The following DCLK1 variants were observed in gnomAD, a reference collection of about 807,000 sequenced individuals.
DCLK1 encodes the protein doublecortin like kinase 1.
DCLK1 carries 16 observed loss-of-function variants against 86.2 expected under a neutral mutation model. That is an observed-to-expected ratio of 0.19 (90% CI 0.13 to 0.28). DCLK1 has a LOEUF of 0.28. DCLK1 is among the 10% of genes least tolerant of loss of function. The pLI is 1.00. For synonymous variants in DCLK1, 369 were observed against 370.5 expected (o/e 1.00, Z 0.05); for missense variants, 590 against 940.2 (o/e 0.63, Z 4.87).
chr13:35,923,438 G>A (rs1000956674), intron 4 of DCLK1, among the ~76,000 whole-genome samples: 6 of 151,864 alleles, frequency 4.0e-5, no homozygotes, highest in African/African-American at 1.5e-4. Context: ...TGGGAACACG[G>A]CCAGGGCTTG....
At chr13:35,838,071 A>C (rs1305217838) in intron 7 of DCLK1, among the ~76,000 whole-genome samples, 1 of 151,522 alleles carries the variant, frequency 6.6e-6, no homozygotes, top group African/African-American at 2.4e-5. Context: ...ATCTCAAAAA[A>C]AAAAAGAAAA....
At chr13:35,833,945 C>T (rs894650358) in intron 8 of DCLK1, among the ~76,000 whole-genome samples, 1 of 152,148 alleles carries the variant, frequency 6.6e-6, no homozygotes, top group Non-Finnish European at 1.5e-5. Flanking sequence ...AAAACAAACA[C>T]AATCCAAGTT....
At chr13:35,976,381 G>A (rs1488541876) in intron 3 of DCLK1, among the ~76,000 whole-genome samples, 3 of 151,968 alleles carry the variant, frequency 2.0e-5, no homozygotes, top group Non-Finnish European at 4.4e-5. Flanking sequence ...AGTGCTCACC[G>A]TCTCCTCCCT....
At chr13:36,018,878 G>A (rs1881641751) in intron 3 of DCLK1, among the ~76,000 whole-genome samples, 1 of 152,094 alleles carries the variant, frequency 6.6e-6, no homozygotes, top group Non-Finnish European at 1.5e-5. Flanking sequence ...TTGGAATATT[G>A]TTGATAGCAC....
intron 16 of DCLK1, among the ~76,000 whole-genome samples, chr13:35,782,934 G>A (rs1264184951): frequency 6.6e-6 from 1 of 152,212 alleles, no homozygotes; most frequent in Non-Finnish European, 1.5e-5. Context: ...GCTGCTGTAG[G>A]GCAAAGGCAG....
rs916878383 is a variant in DCLK1 at position 35,958,138 on chromosome 13, C to T, written c.724-10681G>A. 2.1e-4 allele frequency among the ~76,000 whole-genome samples: 29 copies of T among 138,982 alleles called. 1 individual carries two copies. The highest frequency in any genetic ancestry group is 4.2e-4 in the Admixed American group (6 of 14,424). 91.2% of individuals were successfully genotyped at this position (138,982 alleles called of 152,430 possible). A position where few individuals can be genotyped will look rare whatever the true frequency, so the allele number is the denominator to read the frequency against. ...ACCACCACCACTACCACTACTATAA[C>T]CACCACCACCACCACTATAACCATC... On this transcript the variant is annotated intron_variant, in intron 3 of 16. Transcript: ENST00000360631.
chr13:35,891,658 A>C (rs542280971), intron 4 of DCLK1, among the ~76,000 whole-genome samples: 3 of 152,282 alleles, frequency 2.0e-5, no homozygotes, highest in South Asian at 4.1e-4. Flanking sequence ...TAAAAAATAA[A>C]TTGTGGTGTG....
At chr13:35,951,292 TG>T (rs1877665873) in intron 3 of DCLK1, among the ~76,000 whole-genome samples, 8 of 151,250 alleles carry the variant, frequency 5.3e-5, no homozygotes, top group Admixed American at 4.0e-4. Flanking sequence ...GATGGATGGA[TG>T]GATGGATGGA....
At chr13:35,805,526 T>C (rs2087006828) in intron 15 of DCLK1, 173 bp downstream of exon 15, 3 of 579,394 alleles carry the variant, frequency 5.2e-6, no homozygotes, top group Admixed American at 6.6e-5. Flanking sequence ...CTCGAACTCC[T>C]GAGCTCAGGC....
chr13:36,113,627 C>T (rs966226613), intron 2 of DCLK1, among the ~76,000 whole-genome samples: 7 of 152,004 alleles, frequency 4.6e-5, no homozygotes, highest in African/African-American at 7.2e-5. Context: ...ACTGGAAATT[C>T]GGGCTCAAGA....
At position 36,026,829 on chromosome 13, in the gene DCLK1, C is replaced by T. The variant is rs999153236; in HGVS notation, c.724-79372G>A. Among the ~76,000 whole-genome samples the T allele has an allele frequency of 4.6e-5, 7 of 152,042 alleles. 1 individual carries two copies. The highest frequency in any genetic ancestry group is 1.3e-4 in the Admixed American group (2 of 15,252). On this transcript the variant is annotated intron_variant, in intron 3 of 16. Transcript: ENST00000360631. ...GCTTCTCAGGCATTCTTATAATGAA[C>T]CAGTATAATGCAGTTGATGGTTGGC...
At chr13:35,857,649 G>A (rs1223575914) in intron 5 of DCLK1, among the ~76,000 whole-genome samples, 2 of 152,238 alleles carry the variant, frequency 1.3e-5, no homozygotes, top group East Asian at 1.9e-4. Context: ...GACAAGAACC[G>A]AGGTATCACA....
intron 3 of DCLK1, among the ~76,000 whole-genome samples, chr13:35,976,272 A>T (rs1309370353): frequency 6.6e-6 from 1 of 152,088 alleles, no homozygotes; most frequent in African/African-American, 2.4e-5. Flanking sequence ...CAGCACAGGC[A>T]CGTGATGCTA....
In DCLK1 at chr13:36,113,053, C is replaced by T. The variant is rs138916159; in HGVS notation, c.377-838G>A. 2.2e-4 allele frequency among the ~76,000 whole-genome samples: 34 copies of T among 152,170 alleles called. No individual in the cohort carries two copies. The East Asian group carries it at 4.8e-3, about 22-fold the overall frequency. On this transcript the variant is annotated intron_variant, in intron 2 of 16. Coordinates refer to ENST00000360631, the MANE Select transcript of DCLK1 (RefSeq NM_001330071.2). ...CATATTTCATAAAGTTAGGTCAAAGCCTTTTGAAATTAAAGATTTTGTAAT... is the reference window on the plus strand; with the variant it reads ...CATATTTCATAAAGTTAGGTCAAAGTCTTTTGAAATTAAAGATTTTGTAAT...
rs182568672 is a variant in DCLK1 at position 35,943,168 on chromosome 13, A to T, written c.823+4190T>A. ...AACTGGTGTCCTTATGAGAAGAGGGAAATTCTACTGACATACAGGGGAGAA... is the reference window on the plus strand; with the variant it reads ...AACTGGTGTCCTTATGAGAAGAGGGTAATTCTACTGACATACAGGGGAGAA... On this transcript the variant is annotated intron_variant, in intron 4 of 16. Coordinates refer to ENST00000360631, the MANE Select transcript of DCLK1 (RefSeq NM_001330071.2). Among the ~76,000 whole-genome samples, 3 of 152,286 alleles carry T rather than the reference A, an allele frequency of 2.0e-5. No homozygotes were observed. The East Asian group carries it at 5.8e-4, about 29-fold the overall frequency.
intron 4 of DCLK1, among the ~76,000 whole-genome samples, chr13:35,880,592 T>A (rs1872829900): frequency 6.6e-6 from 1 of 152,224 alleles, no homozygotes; most frequent in Non-Finnish European, 1.5e-5. Flanking sequence ...AACACAAACA[T>A]GTACCCCTTT....
intron 7 of DCLK1, 141 bp from the exon 8 acceptor site, chr13:35,836,282 T>G: frequency 1.5e-6 from 1 of 676,018 alleles, no homozygotes; most frequent in Non-Finnish European, 2.5e-6. Context: ...GGCAACTGCC[T>G]CCCCACCCTT....
chr13:35,817,251 T>C (rs926509312), intron 11 of DCLK1, among the ~76,000 whole-genome samples: 6 of 152,156 alleles, frequency 3.9e-5, no homozygotes, highest in African/African-American at 1.4e-4. Context: ...TCACAGGTCT[T>C]TGAACAAGAG....
At chr13:36,052,964 C>T (rs1424954960) in intron 3 of DCLK1, among the ~76,000 whole-genome samples, 1 of 152,170 alleles carries the variant, frequency 6.6e-6, no homozygotes, top group Non-Finnish European at 1.5e-5. Flanking sequence ...GGATGGGGTG[C>T]TTACAATCTC....
Sources: allele counts gnomAD v4.1 joint callset (sites outside exome capture counted in the v4.1 genomes callset), GRCh38; gene constraint gnomAD v4.1.1; transcripts MANE v1.5; gene names NCBI Gene and HGNC (gene_info 2026-07-23, HGNC 2026-07-21).